ETV6: variants seen among roughly 807,000 people sequenced by gnomAD.
ETV6 encodes transcription factor ETV6.
ETV6 carries 16 observed loss-of-function variants against 51.1 expected under a neutral mutation model. The observed-to-expected ratio is 0.31, with a 90% CI of 0.21 to 0.48. The LOEUF (loss-of-function observed/expected upper bound fraction) is 0.48. Ranked by LOEUF, ETV6 falls within the 20% of genes least tolerant of loss-of-function variation. The pLI is 0.99. For synonymous variants in ETV6, 240 were observed against 224.1 expected, an observed-to-expected ratio of 1.07 and a Z score of -0.64; for missense variants, 458 against 594.8, an observed-to-expected ratio of 0.77 and a Z score of 2.39.
chr12:11,696,033 A>T (rs1013012354), intron 1 of ETV6, among the ~76,000 whole-genome samples: 11 of 152,120 alleles, frequency 7.2e-5, no homozygotes, highest in East Asian at 1.9e-4. Flanking sequence ...AGGGAAAAAA[A>T]AAAGAAACTT....
chr12:11,710,944 A>G (rs559957838), intron 1 of ETV6, among the ~76,000 whole-genome samples: 1 of 152,336 alleles, frequency 6.6e-6, no homozygotes, highest in Admixed American at 6.5e-5. Flanking sequence ...AGGATAGCCC[A>G]TTGAGACTAA....
chr12:11,772,367 A>G (rs1443797941), intron 2 of ETV6, among the ~76,000 whole-genome samples: 1 of 152,230 alleles, frequency 6.6e-6, no homozygotes, highest in African/African-American at 2.4e-5. Flanking sequence ...TCCCTGGGAA[A>G]CCTTATGACT....
chr12:11,817,405 G>A (rs1362777553), intron 2 of ETV6, among the ~76,000 whole-genome samples: 1 of 152,096 alleles, frequency 6.6e-6, no homozygotes, highest in Non-Finnish European at 1.5e-5. Context: ...TTAATGATGA[G>A]GCACAGCAGG....
At chr12:11,691,960 G>A (rs547200118) in intron 1 of ETV6, among the ~76,000 whole-genome samples, 1 of 152,356 alleles carries the variant, frequency 6.6e-6, no homozygotes, top group South Asian at 2.1e-4. Flanking sequence ...TTGTATTTCA[G>A]TTTGGTGTGA....
Position 11,654,731 on chromosome 12 carries a change from A to T in ETV6, c.33+4571A>T, listed in dbSNP as rs574853226. 4.3e-4 allele frequency among the ~76,000 whole-genome samples: 65 copies of T among 152,180 alleles called. 1 individual carries two copies. Among genetic ancestry groups the T allele is most frequent in the Admixed American group, 3.9e-4 (6 of 15,290 alleles). ...TGCATCAATATATGTATATATATAT[A>T]TTTTTTACAGTGCACAAAGGCCTGC... is the stretch of plus-strand genomic sequence containing the variant. On this transcript the variant is annotated intron_variant, in intron 1 of 7. Coordinates refer to ENST00000396373, the MANE Select transcript of ETV6 (RefSeq NM_001987.5).
chr12:11,685,190 T>C (rs1382851599), intron 1 of ETV6, among the ~76,000 whole-genome samples: 2 of 152,158 alleles, frequency 1.3e-5, no homozygotes, highest in East Asian at 1.9e-4. Context: ...TCATTTGTAA[T>C]GTGTAGATTT....
intron 4 of ETV6, among the ~76,000 whole-genome samples, chr12:11,854,320 T>C: frequency 6.6e-6 from 1 of 152,164 alleles, no homozygotes; most frequent in Non-Finnish European, 1.5e-5. Flanking sequence ...TTCACTCACT[T>C]GCCCCCACCG....
At chr12:11,734,543 G>A (rs978088125) in intron 1 of ETV6, among the ~76,000 whole-genome samples, 5 of 147,434 alleles carry the variant, frequency 3.4e-5, no homozygotes, top group African/African-American at 5.1e-5. Flanking sequence ...AAAAAAAAAA[G>A]AAGAAGAAGA....
chr12:11,781,706 T>C (rs182038307), intron 2 of ETV6, among the ~76,000 whole-genome samples: 22 of 152,370 alleles, frequency 1.4e-4, no homozygotes, highest in Admixed American at 1.3e-3. Context: ...TTGTGGATTT[T>C]TTAAACTTAA....
intron 2 of ETV6, among the ~76,000 whole-genome samples, chr12:11,813,975 T>C (rs1326941507): frequency 2.0e-5 from 3 of 152,236 alleles, no homozygotes; most frequent in Non-Finnish European, 4.4e-5. Context: ...CATGAATTAT[T>C]TCCTAGAAAT....
intron 1 of ETV6, among the ~76,000 whole-genome samples, chr12:11,734,792 CA>C (rs35248589): frequency 0.29 from 43,489 of 151,946 alleles, 6,820 homozygotes; most frequent in East Asian, 0.45. Context: ...TGAAGTCACA[CA>C]GTAAGTGCTA....
chr12:11,705,082 G>C (rs1407481046), intron 1 of ETV6, among the ~76,000 whole-genome samples: 2 of 152,224 alleles, frequency 1.3e-5, no homozygotes, highest in African/African-American at 2.4e-5. Flanking sequence ...AATGGCAAGT[G>C]CACAGGATGA....
chr12:11,825,346 A>G (rs555143810), intron 2 of ETV6, among the ~76,000 whole-genome samples: 12 of 152,350 alleles, frequency 7.9e-5, no homozygotes, highest in Admixed American at 7.2e-4. Flanking sequence ...TAAAGAAGAA[A>G]CAAGAAAGGT....
chr12:11,827,971 TACAA>T (rs763628543), intron 2 of ETV6, among the ~76,000 whole-genome samples: 4 of 152,230 alleles, frequency 2.6e-5, no homozygotes, highest in Non-Finnish European at 5.9e-5. Flanking sequence ...TGCTGAGGAT[TACAA>T]ACATTCTTGC....
At chr12:11,866,903 G>C (rs1946797740) in intron 4 of ETV6, among the ~76,000 whole-genome samples, 1 of 152,216 alleles carries the variant, frequency 6.6e-6, no homozygotes, top group East Asian at 1.9e-4. Flanking sequence ...TATGGGATTT[G>C]TTTCTTCAAT....
chr12:11,813,798 C>T (rs959200477), intron 2 of ETV6, among the ~76,000 whole-genome samples: 1 of 152,234 alleles, frequency 6.6e-6, no homozygotes, highest in Non-Finnish European at 1.5e-5. Context: ...AGAAATCTTC[C>T]ACTTTATTTA....
rs777974779 is a variant in ETV6 at position 11,884,493 on chromosome 12, G to A, written c.1058G>A (p.Arg353Gln). ...DYVYQLLSDS[R>Q]YENFIRWEDK... ...GTCTATCAGTTGCTTTCTGACAGCC[G>A]GTACGAAAACTTCATCCGATGGGAG... The change falls in exon 6 of 8, where the codon CGG (arginine) becomes CAG (glutamine). Residue 353 changes from arginine to glutamine, a missense_variant. Physicochemically the swap from Arg to Gln is conservative, Grantham distance 43. Coordinates refer to ENST00000396373, the MANE Select transcript of ETV6 (RefSeq NM_001987.5). 96 of 1,614,000 alleles carry A rather than the reference G, an allele frequency of 5.9e-5. No homozygotes were observed. The highest frequency in any genetic ancestry group is 7.4e-5 in the Non-Finnish European group (87 of 1,180,028).
chr12:11,816,699 C>T (rs1945999545), intron 2 of ETV6, among the ~76,000 whole-genome samples: 1 of 152,162 alleles, frequency 6.6e-6, no homozygotes, highest in South Asian at 2.1e-4. Flanking sequence ...CTCAACGTGC[C>T]TGCAGTCAGC....
In ETV6 at chr12:11,885,996, G is replaced by T; in HGVS notation, c.1223G>T (p.Arg408Met). 1 of 1,613,834 alleles carries T rather than the reference G, an allele frequency of 6.2e-7. No homozygotes were observed. Among genetic ancestry groups the T allele is most frequent in the Non-Finnish European group, 8.5e-7 (1 of 1,179,744 alleles). Residue 408 changes from arginine (R) to methionine (M), a missense_variant, in exon 7 of 8, where the codon AGG becomes ATG. By Grantham distance (91) the Arg-to-Met change is moderately conservative (BLOSUM62 -1). Coordinates refer to ENST00000396373, the MANE Select transcript of ETV6 (RefSeq NM_001987.5). ...LRHYYKLNII[R>M]KEPGQRLLFR... ...CACTACTACAAACTAAACATTATCA[G>T]GAAGGAGCCAGGACAAAGGCTTTTG...
Sources: gnomAD v4.1 joint callset for allele counts (sites outside exome capture counted in the v4.1 genomes callset) on GRCh38, gnomAD v4.1.1 for gene constraint, MANE v1.5 for transcripts, NCBI Gene and HGNC (gene_info 2026-07-23, HGNC 2026-07-21) for gene names.